The following OPA1 variants were observed in gnomAD, a reference collection of about 807,000 sequenced individuals.
OPA1 encodes the protein dynamin-like GTPase OPA1, mitochondrial.
A neutral mutation model predicts 152.9 loss-of-function variants in OPA1; 59 were observed. That is an observed-to-expected ratio of 0.39 (90% confidence interval 0.31 to 0.48). The LOEUF is 0.48. Ranked by LOEUF, OPA1 falls within the 20% of genes least tolerant of loss-of-function variation. The pLI is 0.96. For synonymous variants in OPA1, 400 were observed against 389.9 expected, an observed-to-expected ratio of 1.03 and a Z score of -0.31; for missense variants, 1,008 against 1,216.8, an observed-to-expected ratio of 0.83 and a Z score of 2.55.
chr3:193,688,918 C>T (rs907497083), intron 29 of OPA1, among the ~76,000 whole-genome samples: 3 of 152,186 alleles, frequency 2.0e-5, no homozygotes, highest in African/African-American at 7.2e-5. Context: ...CCTGGGAGGT[C>T]GAGGCTGTAG....
At chr3:193,655,550 C>T (rs1391078886) in intron 22 of OPA1, among the ~76,000 whole-genome samples, 2 of 152,164 alleles carry the variant, frequency 1.3e-5, no homozygotes, top group Non-Finnish European at 2.9e-5. Context: ...TGTATCTTGG[C>T]TTTATCACTT....
intron 29 of OPA1, among the ~76,000 whole-genome samples, chr3:193,679,444 T>A (rs1426349718): frequency 6.6e-6 from 1 of 152,124 alleles, no homozygotes; most frequent in Non-Finnish European, 1.5e-5. Flanking sequence ...TTTACAAAAC[T>A]TCTGCTTGTC....
rs1489552204 is a variant in OPA1, at chr3:193,644,703, T to C, written c.1608+598T>C. On this transcript the variant is annotated intron_variant, in intron 16 of 30. Transcript: ENST00000361510. ...TGCCGTGGCATTAATGGTTCTGATA[T>C]GGAGAAGGGGAGAAGTGAGGTAGAA... Among the ~76,000 whole-genome samples, 4 of 152,154 alleles carry C rather than the reference T, an allele frequency of 2.6e-5. No individual in the cohort carries two copies. In the East Asian group the frequency reaches 7.7e-4, roughly 29 times the overall value.
chr3:193,655,834 G>T (rs946433972), intron 22 of OPA1, among the ~76,000 whole-genome samples: 16 of 152,178 alleles, frequency 1.1e-4, no homozygotes, highest in Admixed American at 3.9e-4. Flanking sequence ...TCCTGTGCTT[G>T]TGTGTGAGGT....
intron 1 of OPA1, among the ~76,000 whole-genome samples, chr3:193,599,526 T>C (rs1463687528): frequency 1.3e-5 from 2 of 152,056 alleles, no homozygotes; most frequent in Admixed American, 6.6e-5. Context: ...ATCCTGGGGC[T>C]CTGGAGGAAG....
chr3:193,688,318 G>T (rs1368958677), intron 29 of OPA1, among the ~76,000 whole-genome samples: 2 of 151,914 alleles, frequency 1.3e-5, no homozygotes, highest in African/African-American at 2.4e-5. Context: ...CGTCAATTTA[G>T]TCTTCTCAAG....
chr3:193,611,977 C>T (rs9879697), intron 1 of OPA1, among the ~76,000 whole-genome samples: 1 of 151,886 alleles, frequency 6.6e-6, no homozygotes, highest in African/African-American at 2.4e-5. Flanking sequence ...TCTTAGAGGG[C>T]CCTTTAAAAT....
chr3:193,663,972 G>A (rs1333881422), intron 26 of OPA1, among the ~76,000 whole-genome samples: 2 of 152,048 alleles, frequency 1.3e-5, no homozygotes, highest in African/African-American at 4.8e-5. Flanking sequence ...TAAACGTTAT[G>A]TGGCACGTTG....
chr3:193,604,697 C>T (rs911590831), intron 1 of OPA1, among the ~76,000 whole-genome samples: 4 of 151,520 alleles, frequency 2.6e-5, no homozygotes, highest in Non-Finnish European at 5.9e-5. Flanking sequence ...CCTGTCTCTA[C>T]TAAAAATACA....
intron 26 of OPA1, 150 bp from the exon 27 acceptor site, chr3:193,664,730 A>T: frequency 1.7e-6 from 1 of 593,226 alleles, no homozygotes; most frequent in Non-Finnish European, 3.0e-6. Context: ...GTAAGTGAAT[A>T]AAAAAATTTG....
chr3:193,684,043 A>G (rs907441542), intron 29 of OPA1, among the ~76,000 whole-genome samples: 10 of 152,194 alleles, frequency 6.6e-5, no homozygotes, highest in Non-Finnish European at 1.2e-4. Flanking sequence ...TGGCCATCAG[A>G]CAACAACACA....
At position 193,648,100 on chromosome 3, in the gene OPA1, A is replaced by G; in HGVS notation, c.1901A>G (p.Lys634Arg). The change falls in exon 20 of 31, where the codon AAG becomes AGG. Residue 634 changes from lysine to arginine, a missense_variant. By Grantham distance (26) the Lys-to-Arg change is conservative. This residue lies in a region of OPA1 where 229 missense variants were observed against 269.0 expected (regional missense o/e 0.85). Coordinates refer to ENST00000361510, the MANE Select transcript of OPA1 (RefSeq NM_130837.3). Reference sequence around the variant, plus strand: ...CGTTTTAACCTTGAAACTGAATGGAAGAATAACTATCCTCGCCTGCGGGAA... The same window carrying G: ...CGTTTTAACCTTGAAACTGAATGGAGGAATAACTATCCTCGCCTGCGGGAA... ...ATRFNLETEW[K>R]NNYPRLRELD... The G allele has an allele frequency of 6.2e-7, 1 of 1,613,752 alleles. No homozygotes were observed. Among genetic ancestry groups the G allele is most frequent in the Non-Finnish European group, 8.5e-7 (1 of 1,179,668 alleles).
intron 29 of OPA1, 176 bp downstream of exon 29, chr3:193,667,456 G>A: frequency 1.5e-6 from 1 of 646,924 alleles, no homozygotes; most frequent in Non-Finnish European, 2.9e-6. Context: ...GGAAAACAAG[G>A]TCAGAAGATC....
rs116221228 is a variant in OPA1 at position 193,632,687 on chromosome 3, G to A, written c.843+1022G>A. Among the ~76,000 whole-genome samples, 919 of 151,926 alleles carry A rather than the reference G, an allele frequency of 6.0e-3. 4 individuals are homozygous for A. The highest frequency in any genetic ancestry group is 0.01 in the Non-Finnish European group (711 of 67,954). On this transcript the variant is annotated intron_variant, in intron 8 of 30. Transcript: ENST00000361510. ...AGTTTGAGACCAGCTTGGGCAACCCGGAGAAACCCCGTATCTATAAAAATT... is the reference window on the plus strand; with the variant it reads ...AGTTTGAGACCAGCTTGGGCAACCCAGAGAAACCCCGTATCTATAAAAATT...
rs1577259248 is a variant in OPA1, at chr3:193,648,091, C to G, written c.1892C>G (p.Thr631Ser). 6.2e-7 allele frequency: 1 copy of G among 1,613,670 alleles called. No individual in the cohort carries two copies. The highest frequency in any genetic ancestry group is 2.2e-5 in the East Asian group (1 of 44,872). ...TCAGCAACACGTTTTAACCTTGAAA[C>G]TGAATGGAAGAATAACTATCCTCGC... is the stretch of plus-strand genomic sequence containing the variant. ...SFKATRFNLE[T>S]EWKNNYPRLR... Residue 631 changes from threonine (T) to serine (S), a missense_variant, in exon 20 of 31, where the codon ACT becomes AGT. By Grantham distance (58) the Thr-to-Ser change is moderately conservative. This residue lies in a region of OPA1 where 10 missense variants were observed against 35.8 expected (regional missense o/e 0.28). Coordinates refer to ENST00000361510, the MANE Select transcript of OPA1 (RefSeq NM_130837.3).
intron 1 of OPA1, among the ~76,000 whole-genome samples, chr3:193,605,040 T>C (rs964846224): frequency 3.3e-5 from 5 of 152,118 alleles, no homozygotes; most frequent in African/African-American, 1.2e-4. Context: ...TTGAGGAAAC[T>C]GTAGTGTCAT....
rs1212089595 is a variant in OPA1, at chr3:193,593,712, T to C, written c.32+303T>C. 5.3e-5 allele frequency among the ~76,000 whole-genome samples: 8 copies of C among 152,280 alleles called. No homozygotes were observed. In the East Asian group the frequency reaches 1.5e-3, roughly 29 times the overall value. On this transcript the variant is annotated intron_variant, in intron 1 of 30. Coordinates refer to ENST00000361510, the MANE Select transcript of OPA1 (RefSeq NM_130837.3). ...GCCCTTTACACCCTTGTGTCTTCAG[T>C]GTTCTGTCTGTCTCTGGTTGCCTCT...
At chr3:193,604,437 G>A (rs1726912448) in intron 1 of OPA1, among the ~76,000 whole-genome samples, 1 of 152,170 alleles carries the variant, frequency 6.6e-6, no homozygotes, top group Non-Finnish European at 1.5e-5. Context: ...TATCCTGCAA[G>A]CCTAAGAAAG....
At chr3:193,672,510 A>C (rs1467281437) in intron 29 of OPA1, among the ~76,000 whole-genome samples, 2 of 152,206 alleles carry the variant, frequency 1.3e-5, no homozygotes, top group Non-Finnish European at 2.9e-5. Flanking sequence ...TGTGCGTGTA[A>C]TCAGAGACTT....
Sources: allele counts gnomAD v4.1 joint callset (sites outside exome capture counted in the v4.1 genomes callset), GRCh38; gene constraint gnomAD v4.1.1; regional missense constraint gnomAD v4.1.1; transcripts MANE v1.5; gene names NCBI Gene and HGNC (gene_info 2026-07-23, HGNC 2026-07-21).